Variants in PTPRD observed in about 807,000 individuals in gnomAD.
PTPRD encodes the protein protein tyrosine phosphatase receptor type D, also known as receptor-type tyrosine-protein phosphatase delta.
A neutral mutation model predicts 214.5 loss-of-function variants in PTPRD; 34 were observed. The ratio of observed to expected loss-of-function variants is 0.16; its 90% CI spans 0.12 to 0.21. PTPRD has a LOEUF of 0.21. Among genes scored for constraint, PTPRD ranks in the 10% least tolerant of loss-of-function variants. The pLI is 1.00. For missense variants in PTPRD, 2,545 were observed against 2,398.7 expected (o/e 1.06, Z -1.27); for synonymous variants, 1,128 against 845.7 (o/e 1.33, Z -5.79).
rs71332760 is a variant in PTPRD, at chr9:10,564,171, C to CTTTTTTTTTT, written c.-600+48217_-600+48226dup. Among the ~76,000 whole-genome samples, 221 of 29,394 alleles carry CTTTTTTTTTT rather than the reference C, an allele frequency of 7.5e-3. 61 individuals carry two copies. Among genetic ancestry groups the CTTTTTTTTTT allele is most frequent in the African/African-American group, 0.017 (108 of 6,254 alleles). The allele number at this position is 29,394 out of a possible 152,430, so 19.3% of individuals were successfully genotyped here. A position where few individuals can be genotyped will look rare whatever the true frequency, so the allele number is the denominator to read the frequency against. On this transcript the variant is annotated intron_variant, in intron 2 of 45. Transcript: ENST00000381196. ...GTGTGCACCACCACACTAGGCTATT[C>CTTTTTTTTTT]TTTTTTTTTTTTTTTTTTTTTTTTG...
intron 2 of PTPRD, among the ~76,000 whole-genome samples, chr9:10,538,140 C>A (rs1453362597): frequency 6.6e-6 from 1 of 151,914 alleles, no homozygotes; most frequent in Non-Finnish European, 1.5e-5. Context: ...CTATCCCTAT[C>A]CAATCACTGT....
chr9:10,277,868 G>C (rs746445398), intron 3 of PTPRD, among the ~76,000 whole-genome samples: 1 of 151,902 alleles, frequency 6.6e-6, no homozygotes, highest in Non-Finnish European at 1.5e-5. Context: ...CTTTAAAAGA[G>C]TGCTTTGAGG....
intron 10 of PTPRD, among the ~76,000 whole-genome samples, chr9:9,136,985 G>C (rs1012587116): frequency 6.6e-6 from 1 of 152,156 alleles, no homozygotes; most frequent in East Asian, 1.9e-4. Flanking sequence ...AGAGAAAGGT[G>C]ATGTTTTCTT....
At chr9:10,177,657 T>C (rs932623718) in intron 3 of PTPRD, among the ~76,000 whole-genome samples, 17 of 151,988 alleles carry the variant, frequency 1.1e-4, no homozygotes, top group African/African-American at 3.6e-4. Flanking sequence ...TGTGAATGAA[T>C]TGGAGATATA....
At chr9:10,230,459 T>TCTAA (rs2099605453) in intron 3 of PTPRD, among the ~76,000 whole-genome samples, 2 of 151,830 alleles carry the variant, frequency 1.3e-5, no homozygotes, top group South Asian at 4.2e-4. Flanking sequence ...TATCTATCTA[T>TCTAA]CTATCTATCT....
chr9:8,932,561 T>A (rs1441505184), intron 11 of PTPRD, among the ~76,000 whole-genome samples: 2 of 152,216 alleles, frequency 1.3e-5, no homozygotes, highest in Non-Finnish European at 2.9e-5. Context: ...CTTTCAGAGA[T>A]GGCCTGCCCA....
chr9:9,346,751 G>T (rs1049443596), intron 9 of PTPRD, among the ~76,000 whole-genome samples: 6 of 151,728 alleles, frequency 4.0e-5, no homozygotes, highest in Non-Finnish European at 7.4e-5. Flanking sequence ...GGAGTGCAAT[G>T]GCTCTATCTC....
intron 5 of PTPRD, among the ~76,000 whole-genome samples, chr9:9,837,155 G>A (rs2057001621): frequency 6.6e-6 from 1 of 152,126 alleles, no homozygotes; most frequent in Non-Finnish European, 1.5e-5. Context: ...TATTAAGTAT[G>A]TGTGTGGTGG....
intron 7 of PTPRD, among the ~76,000 whole-genome samples, chr9:9,655,433 G>A (rs2096485161): frequency 6.6e-6 from 1 of 152,088 alleles, no homozygotes; most frequent in African/African-American, 2.4e-5. Flanking sequence ...GCTGGGCGTG[G>A]TGGCATGTGT....
intron 3 of PTPRD, among the ~76,000 whole-genome samples, chr9:10,050,558 T>TAAAAAAAA (rs2097514215): frequency 9.4e-5 from 1 of 10,626 alleles, no homozygotes; most frequent in African/African-American, 4.9e-4. Context: ...AGAGTCTGTC[T>TAAAAAAAA]CAAAAAAAAA....
chr9:9,991,445 A>T (rs2095917309), intron 4 of PTPRD, among the ~76,000 whole-genome samples: 1 of 148,404 alleles, frequency 6.7e-6, no homozygotes, highest in East Asian at 2.0e-4. Flanking sequence ...CACTGCAACC[A>T]CCGCCTCCCA....
intron 10 of PTPRD, among the ~76,000 whole-genome samples, chr9:9,035,560 C>T (rs531888891): frequency 7.2e-6 from 1 of 138,398 alleles, no homozygotes; most frequent in East Asian, 2.4e-4. Context: ...CCCACCCCAA[C>T]CCCACCCGCT....
intron 11 of PTPRD, among the ~76,000 whole-genome samples, chr9:8,782,783 A>C (rs1036854123): frequency 6.6e-6 from 1 of 151,934 alleles, no homozygotes; most frequent in Non-Finnish European, 1.5e-5. Flanking sequence ...TTTAGTAGAG[A>C]CAGGGTTTCA....
chr9:10,212,940 CA>C (rs1473706954), intron 3 of PTPRD, among the ~76,000 whole-genome samples: 1 of 152,114 alleles, frequency 6.6e-6, no homozygotes, highest in Non-Finnish European at 1.5e-5. Context: ...TTCAGAAATG[CA>C]ATGAAGTTAT....
chr9:8,627,084 CA>C (rs1180099554), intron 14 of PTPRD, among the ~76,000 whole-genome samples: 2 of 151,732 alleles, frequency 1.3e-5, no homozygotes, highest in African/African-American at 4.8e-5. Flanking sequence ...CTTCATGCCC[CA>C]ACCCAGCAGT....
At chr9:9,644,087 G>C (rs1020231247) in intron 7 of PTPRD, among the ~76,000 whole-genome samples, 1 of 151,962 alleles carries the variant, frequency 6.6e-6, no homozygotes, top group South Asian at 2.1e-4. Flanking sequence ...ACAACTATAA[G>C]TATTGTATTT....
intron 9 of PTPRD, among the ~76,000 whole-genome samples, chr9:9,297,351 G>A (rs1953475178): frequency 6.6e-6 from 1 of 151,576 alleles, no homozygotes; most frequent in Non-Finnish European, 1.5e-5. Context: ...ACATAATGAA[G>A]TAGAATAAGA....
In PTPRD at chr9:8,434,041, G is replaced by C. The variant is rs140557825; in HGVS notation, c.4086+2551C>G. On this transcript the variant is annotated intron_variant, in intron 35 of 45. Coordinates refer to ENST00000381196, the MANE Select transcript of PTPRD (RefSeq NM_002839.4). ...TTGTCACCCAGGCTGGAGTGCAATG[G>C]TGCGACCCTTGGCTCACTGCAACCT... 7.3e-3 allele frequency among the ~76,000 whole-genome samples: 1,104 copies of C among 152,138 alleles called. 9 individuals are homozygous for C. Among genetic ancestry groups the C allele is most frequent in the African/African-American group, 0.025 (1,032 of 41,446 alleles).
intron 7 of PTPRD, among the ~76,000 whole-genome samples, chr9:9,627,169 G>A (rs956383542): frequency 6.6e-6 from 1 of 152,032 alleles, no homozygotes; most frequent in Non-Finnish European, 1.5e-5. Flanking sequence ...ACAAAAATTA[G>A]CCAGGTGTAC....
Sources: gnomAD v4.1 joint callset for allele counts (sites outside exome capture counted in the v4.1 genomes callset) on GRCh38, gnomAD v4.1.1 for gene constraint, MANE v1.5 for transcripts, NCBI Gene and HGNC (gene_info 2026-07-23, HGNC 2026-07-21) for gene names.